B3GALT1: variants seen among roughly 807,000 people sequenced by gnomAD.
B3GALT1 encodes the protein beta-1,3-galactosyltransferase 1.
Under a neutral mutation model 23.2 loss-of-function variants are expected in B3GALT1, and 10 were observed. The observed-to-expected ratio is 0.43, with a 90% CI of 0.27 to 0.73. The LOEUF is 0.73. Ranked by LOEUF, B3GALT1 falls within the 30% of genes least tolerant of loss-of-function variation. B3GALT1 has a pLI of 0.21. For synonymous variants in B3GALT1, 156 were observed against 141.5 expected (o/e 1.10, Z -0.73); for missense variants, 299 against 405.4 (o/e 0.74, Z 2.25).
At chr2:167,357,821 T>C (rs1457745390) in intron 1 of B3GALT1, among the ~76,000 whole-genome samples, 1 of 152,222 alleles carries the variant, frequency 6.6e-6, no homozygotes, top group Admixed American at 6.5e-5. Context: ...AATAAAACAT[T>C]GCACATTCAT....
intron 2 of B3GALT1, among the ~76,000 whole-genome samples, chr2:167,497,500 A>AT (rs958949502): frequency 1.2e-4 from 19 of 152,166 alleles, no homozygotes; most frequent in Admixed American, 4.6e-4. Context: ...AAAATAGAGG[A>AT]TTTTTTCTGG....
intron 3 of B3GALT1, among the ~76,000 whole-genome samples, chr2:167,758,251 C>A (rs964499920): frequency 2.0e-5 from 3 of 152,124 alleles, no homozygotes; most frequent in Non-Finnish European, 4.4e-5. Flanking sequence ...CCAGCCCAAG[C>A]ATAGTCTTTG....
At position 167,600,623 on chromosome 2, in the gene B3GALT1, T is replaced by C. The variant is rs13385157; in HGVS notation, c.-409-46286T>C. ...TACCTTTGCTGGATATCTCATATAA[T>C]GGAACTATGTAATGTGTGATCTTTT... On this transcript the variant is annotated intron_variant, in intron 2 of 4. Coordinates refer to ENST00000392690, the MANE Select transcript of B3GALT1 (RefSeq NM_020981.4). Among the ~76,000 whole-genome samples, 100 of 152,098 alleles carry C rather than the reference T, an allele frequency of 6.6e-4. 1 individual carries two copies. The highest frequency in any genetic ancestry group is 2.2e-3 in the African/African-American group (92 of 41,456).
intron 3 of B3GALT1, among the ~76,000 whole-genome samples, chr2:167,768,115 G>A (rs1688008377): frequency 6.6e-6 from 1 of 152,162 alleles, no homozygotes; most frequent in African/African-American, 2.4e-5. Context: ...GCTTTACTCA[G>A]TCCACCAATT....
intron 3 of B3GALT1, among the ~76,000 whole-genome samples, chr2:167,769,031 A>G (rs191584637): frequency 6.6e-6 from 1 of 152,328 alleles, no homozygotes; most frequent in East Asian, 1.9e-4. Flanking sequence ...TAAAGGACTA[A>G]CATAAGAAAT....
chr2:167,826,849 G>C (rs550848267), intron 4 of B3GALT1, among the ~76,000 whole-genome samples: 20 of 152,260 alleles, frequency 1.3e-4, no homozygotes, highest in African/African-American at 4.6e-4. Context: ...AACTAATCTA[G>C]AGATGATTTA....
At chr2:167,572,808 C>G (rs1013816374) in intron 2 of B3GALT1, among the ~76,000 whole-genome samples, 3 of 151,630 alleles carry the variant, frequency 2.0e-5, no homozygotes, top group African/African-American at 7.3e-5. Context: ...CAAAAGGAGC[C>G]CTCCAATGAC....
chr2:167,663,748 A>G (rs1008886084), intron 3 of B3GALT1, among the ~76,000 whole-genome samples: 23 of 152,048 alleles, frequency 1.5e-4, no homozygotes, highest in Non-Finnish European at 2.9e-5. Flanking sequence ...TTTTGGCTGC[A>G]TAAATGTCTT....
chr2:167,448,904 G>T (rs566152522), intron 1 of B3GALT1, among the ~76,000 whole-genome samples: 8 of 152,176 alleles, frequency 5.3e-5, no homozygotes, highest in African/African-American at 1.9e-4. Flanking sequence ...AGATCAGTTG[G>T]CTATAAGTGT....
At position 167,512,601 on chromosome 2, in the gene B3GALT1, T is replaced by C. The variant is rs1574111578; in HGVS notation, c.-410+22324T>C. On this transcript the variant is annotated intron_variant, in intron 2 of 4. Coordinates refer to ENST00000392690, the MANE Select transcript of B3GALT1 (RefSeq NM_020981.4). ...ATATGTATATATATATGTGTATATA[T>C]ATATATGTATATATATATACGTGTA... is the stretch of plus-strand genomic sequence containing the variant. 3.8e-5 allele frequency among the ~76,000 whole-genome samples: 4 copies of C among 103,962 alleles called. No homozygotes were observed. The East Asian group carries it at 1.9e-3, about 51-fold the overall frequency. 68.2% of individuals were successfully genotyped at this position (103,962 alleles called of 152,430 possible).
intron 2 of B3GALT1, among the ~76,000 whole-genome samples, chr2:167,550,439 A>G (rs1191810200): frequency 9.2e-5 from 14 of 152,210 alleles, no homozygotes; most frequent in African/African-American, 3.4e-4. Context: ...TTCCAGCAGT[A>G]AAGTATCTCA....
At chr2:167,835,098 G>A (rs1264160566) in intron 4 of B3GALT1, among the ~76,000 whole-genome samples, 1 of 152,194 alleles carries the variant, frequency 6.6e-6, no homozygotes, top group Non-Finnish European at 1.5e-5. Context: ...CTCCCAGCAT[G>A]AGCGACGCAG....
chr2:167,869,403 G>A lies in B3GALT1; in HGVS notation c.364G>A (p.Ala122Thr), dbSNP rs1690297958. ...IATLFLLGKNADPVLNQMVEQ... is the reference protein window; with the variant it reads ...IATLFLLGKNTDPVLNQMVEQ... ...CACCCTGTTCCTCCTGGGCAAGAAT[G>A]CTGATCCTGTTCTCAATCAGATGGT... The change falls in exon 5 of 5, where the codon GCT becomes ACT. Residue 122 changes from alanine to threonine, a missense_variant. Around this residue, in one of 3 missense-constraint regions of B3GALT1, gnomAD observed 162 missense variants for 184.1 expected, o/e 0.88. Transcript: ENST00000392690. The surrounding 1 kb of genome is among the most constrained non-coding windows in gnomAD (Gnocchi z 6.4). 1 of 1,614,130 alleles carries A rather than the reference G, an allele frequency of 6.2e-7. No homozygotes were observed. The highest frequency in any genetic ancestry group is 8.5e-7 in the Non-Finnish European group (1 of 1,180,032).
At chr2:167,571,812 A>G (rs1434342610) in intron 2 of B3GALT1, among the ~76,000 whole-genome samples, 1 of 151,950 alleles carries the variant, frequency 6.6e-6, no homozygotes, top group Non-Finnish European at 1.5e-5. Context: ...ATGCAACTCC[A>G]GAGAGCTGAA....
At chr2:167,364,163 CAAAAAA>C (rs34314925) in intron 1 of B3GALT1, among the ~76,000 whole-genome samples, 2 of 63,148 alleles carry the variant, frequency 3.2e-5, no homozygotes, top group African/African-American at 1.1e-4. Flanking sequence ...GACTCCATCT[CAAAAAA>C]AAAAAAAAAA....
intron 2 of B3GALT1, among the ~76,000 whole-genome samples, chr2:167,615,104 T>A (rs1463349215): frequency 6.6e-6 from 1 of 152,018 alleles, no homozygotes; most frequent in Non-Finnish European, 1.5e-5. Flanking sequence ...AATATAAAAC[T>A]TTGAGTTACA....
At chr2:167,426,855 A>C (rs1698630360) in intron 1 of B3GALT1, among the ~76,000 whole-genome samples, 1 of 152,238 alleles carries the variant, frequency 6.6e-6, no homozygotes, top group Admixed American at 6.5e-5. Context: ...GTAACCTTGC[A>C]TTGCACCCAT....
chr2:167,544,196 T>C (rs1299161454), intron 2 of B3GALT1, among the ~76,000 whole-genome samples: 1 of 152,196 alleles, frequency 6.6e-6, no homozygotes, highest in African/African-American at 2.4e-5. Flanking sequence ...GAAAATAGAA[T>C]TGTCATGATT....
chr2:167,715,376 T>C (rs1687126619), intron 3 of B3GALT1: 1 of 1,613,834 alleles, frequency 6.2e-7, no homozygotes, highest in Non-Finnish European at 8.5e-7. Flanking sequence ...TTTCCATACT[T>C]CAGCTTCTCG....
Sources: gnomAD v4.1 joint callset for allele counts (sites outside exome capture counted in the v4.1 genomes callset) on GRCh38, gnomAD v4.1.1 for gene constraint, gnomAD v4.1.1 regional missense constraint, Gnocchi (gnomAD v3.1) non-coding constraint, MANE v1.5 for transcripts, NCBI Gene and HGNC (gene_info 2026-07-23, HGNC 2026-07-21) for gene names.